ST6GALNAC4: variants seen among roughly 807,000 people sequenced by gnomAD.
The protein encoded by ST6GALNAC4 is alpha-N-acetyl-neuraminyl-2,3-beta-galactosyl-1,3-N-acetyl-galactosaminide alpha-2,6-sialyltransferase.
Under a neutral mutation model 30.4 loss-of-function variants are expected in ST6GALNAC4, and 24 were observed. The ratio of observed to expected loss-of-function variants is 0.79; its 90% confidence interval spans 0.57 to 1.11. The LOEUF is 1.11. Among genes scored for constraint, ST6GALNAC4 ranks in the 50% most tolerant of loss-of-function variants. The pLI is 0.00. For synonymous variants in ST6GALNAC4, 156 were observed against 179.7 expected, an observed-to-expected ratio of 0.87 and a Z score of 1.05; for missense variants, 365 against 430.1, an observed-to-expected ratio of 0.85 and a Z score of 1.34.
intron 4 of ST6GALNAC4, 165 bp from the exon 5 acceptor site, chr9:127,910,223 G>T: frequency 7.0e-7 from 1 of 1,419,696 alleles, no homozygotes; most frequent in Admixed American, 2.6e-5. Flanking sequence ...CCCAAGGCCA[G>T]CAGTGGGTGA....
intron 2 of ST6GALNAC4, 91 bp from the exon 3 acceptor site, chr9:127,914,932 A>AAGCTCCTGGGTCTAGAGC (rs1399689263): frequency 2.4e-6 from 3 of 1,236,780 alleles, no homozygotes. Flanking sequence ...GGGTCTAGAG[A>AAGCTCCTGGGTCTAGAGC]AGCTCCTGGG....
intron 4 of ST6GALNAC4, among the ~76,000 whole-genome samples, chr9:127,911,775 G>A (rs935945017): frequency 2.0e-5 from 3 of 152,124 alleles, no homozygotes; most frequent in Admixed American, 6.5e-5. Flanking sequence ...GTGAGCCACC[G>A]GGCCTAGCCC....
chr9:127,912,176 C>A (rs1411930830), intron 4 of ST6GALNAC4, 92 bp downstream of exon 4: 1 of 1,486,714 alleles, frequency 6.7e-7, no homozygotes, highest in Non-Finnish European at 9.0e-7. Context: ...ACCTCCCGGG[C>A]CTGACAGAGC....
In ST6GALNAC4 at chr9:127,914,650, A is replaced by G. The variant is rs751450482; in HGVS notation, c.198+6T>C. 1.9e-6 allele frequency: 3 copies of G among 1,604,064 alleles called. No individual in the cohort carries two copies. The highest frequency in any genetic ancestry group is 2.7e-5 in the African/African-American group (2 of 74,180). On this transcript the variant is annotated splice_donor_region_variant and intron_variant, in intron 3 of 5. Coordinates refer to ENST00000335791, the MANE Select transcript of ST6GALNAC4 (RefSeq NM_175039.4). ...CCACCCCGGATGCATTGCCTGGCCC[A>G]CTCACCTTCCCATCTGGCACACTGC... is the stretch of plus-strand genomic sequence containing the variant.
intron 5 of ST6GALNAC4, 129 bp from the exon 6 acceptor site, chr9:127,908,710 G>T (rs1188770156): frequency 5.2e-6 from 4 of 767,724 alleles, no homozygotes; most frequent in Non-Finnish European, 7.6e-6. Context: ...TCCCTGGGGA[G>T]GCCAAGACAC....
chr9:127,914,490 C>CAAA (rs60857050), intron 3 of ST6GALNAC4, among the ~76,000 whole-genome samples, 166 bp downstream of exon 3: 12,680 of 50,040 alleles, frequency 0.25, 4,527 homozygotes, highest in Non-Finnish European at 0.32. Context: ...GACTCCGTCT[C>CAAA]AAAAAAAAAA....
At chr9:127,916,340 A>G in intron 2 of ST6GALNAC4, 68 bp downstream of exon 2, 3 of 1,606,144 alleles carry the variant, frequency 1.9e-6, no homozygotes, top group Non-Finnish European at 2.6e-6. Context: ...TGGGGTGGAG[A>G]GGCTGCTGAG....
rs1334342942 is a variant in ST6GALNAC4, at chr9:127,908,398, A to C, written c.903T>G (p.Thr301=). ...ACTGGCAGGACGACGGAAGCTACTC[A>C]GTCCTCCAGGACGGATGGGCGAACA... ...PIVFAHPSWR[T]E The change falls in exon 6 of 6, where the codon ACT becomes ACG. Residue 301 remains threonine, a synonymous_variant. Coordinates refer to ENST00000335791, the MANE Select transcript of ST6GALNAC4 (RefSeq NM_175039.4). 1 of 1,548,118 alleles carries C rather than the reference A, an allele frequency of 6.5e-7. No individual in the cohort carries two copies. Among genetic ancestry groups the C allele is most frequent in the Non-Finnish European group, 8.8e-7 (1 of 1,137,282 alleles).
At position 127,914,818 on chromosome 9, in the gene ST6GALNAC4, C is replaced by T. The variant is rs1250516718; in HGVS notation, c.36G>A (p.Leu12=). Residue 12 remains leucine, a synonymous_variant, in exon 3 of 6, where the codon CTG becomes CTA. Coordinates refer to ENST00000335791, the MANE Select transcript of ST6GALNAC4 (RefSeq NM_175039.4). ...KAPGRLVLII[L]CSVVFSAVYI... is the part of the protein sequence containing the mutation. Reference sequence around the variant, plus strand: ...AGACGGCAGAGAAGACCACGGAGCACAGGATGATGAGCACGAGCCGACCCT... The same window carrying T: ...AGACGGCAGAGAAGACCACGGAGCATAGGATGATGAGCACGAGCCGACCCT... 2 of 1,546,396 alleles carry T rather than the reference C, an allele frequency of 1.3e-6. No individual in the cohort carries two copies. The highest frequency in any genetic ancestry group is 1.2e-5 in the South Asian group (1 of 83,534).
rs1830973809 is a variant in ST6GALNAC4 at position 127,908,189 on chromosome 9, TC to T, written c.*202del. 1.9e-5 allele frequency: 4 copies of T among 215,602 alleles called. No individual in the cohort carries two copies. Among genetic ancestry groups the T allele is most frequent in the East Asian group, 7.8e-5 (1 of 12,784 alleles). 13.4% of individuals were successfully genotyped at this position (215,602 alleles called of 1,614,324 possible). On this transcript the variant is annotated 3_prime_UTR_variant, in exon 6 of 6. Coordinates refer to ENST00000335791, the MANE Select transcript of ST6GALNAC4 (RefSeq NM_175039.4). Reference sequence around the variant, plus strand: ...AGGGAGTGGAGGGGGGAGACACGGCTCCCCCCTCCACTCCCCTTCAAGTCAT... The same window carrying T: ...AGGGAGTGGAGGGGGGAGACACGGCTCCCCCTCCACTCCCCTTCAAGTCAT...
intron 2 of ST6GALNAC4, 34 bp downstream of exon 2, chr9:127,916,374 G>A: frequency 6.2e-7 from 1 of 1,614,084 alleles, no homozygotes; most frequent in South Asian, 1.1e-5. Flanking sequence ...CGGGGCCTCT[G>A]CGTTCCCTGG....
At chr9:127,914,528 G>T in intron 3 of ST6GALNAC4, 128 bp downstream of exon 3, 1 of 311,152 alleles carries the variant, frequency 3.2e-6, no homozygotes. Flanking sequence ...AAGAACCTAG[G>T]GCTCAGAGAG....
At chr9:127,911,980 C>G (rs1211162281) in intron 4 of ST6GALNAC4, among the ~76,000 whole-genome samples, 1 of 152,228 alleles carries the variant, frequency 6.6e-6, no homozygotes, top group Non-Finnish European at 1.5e-5. Context: ...ACCATTCCCT[C>G]CAGAGAGAAG....
chr9:127,910,339 G>A, intron 4 of ST6GALNAC4: 1 of 1,203,408 alleles, frequency 8.3e-7, no homozygotes, highest in Non-Finnish European at 1.0e-6. Flanking sequence ...TGGATGATGG[G>A]TGTGGGGGCT....
At chr9:127,913,718 C>G (rs1564503696) in intron 3 of ST6GALNAC4, among the ~76,000 whole-genome samples, 1 of 152,178 alleles carries the variant, frequency 6.6e-6, no homozygotes, top group African/African-American at 2.4e-5. Flanking sequence ...CACTTGAGAT[C>G]AGGAGTTCAA....
chr9:127,916,167 C>T, intron 2 of ST6GALNAC4: 1 of 592,776 alleles, frequency 1.7e-6, no homozygotes, highest in South Asian at 2.0e-5. Context: ...GCCTGGTGAG[C>T]TCGTAGCGTT....
Position 127,909,815 on chromosome 9 carries a change from G to A in ST6GALNAC4, c.719+136C>T, listed in dbSNP as rs1037984510. ...CTTTCCCAAGGCCCAGAGCGCAAGGGGTATCTGTGCTATGGTCACCCACCA... is the reference window on the plus strand; with the variant it reads ...CTTTCCCAAGGCCCAGAGCGCAAGGAGTATCTGTGCTATGGTCACCCACCA... On this transcript the variant is annotated intron_variant, in intron 5 of 5. Transcript: ENST00000335791. The A allele has an allele frequency of 2.4e-5, 20 of 817,786 alleles. No individual in the cohort carries two copies. The East Asian group carries it at 4.2e-4, about 17-fold the overall frequency. 50.7% of individuals were successfully genotyped at this position (817,786 alleles called of 1,614,324 possible). A position where few individuals can be genotyped will look rare whatever the true frequency, so the allele number is the denominator to read the frequency against.
At position 127,914,860 on chromosome 9, in the gene ST6GALNAC4, A is replaced by G. The variant is rs771621315; in HGVS notation, c.13-19T>C. On this transcript the variant is annotated intron_variant, in intron 2 of 5. Coordinates refer to ENST00000335791, the MANE Select transcript of ST6GALNAC4 (RefSeq NM_175039.4). ...GCCGACCCTGAGGGAGACAGTGGCCATGGGGGGGTGTATGTGGGGAGGGGC... is the reference window on the plus strand; with the variant it reads ...GCCGACCCTGAGGGAGACAGTGGCCGTGGGGGGGTGTATGTGGGGAGGGGC... 2.7e-6 allele frequency: 4 copies of G among 1,455,862 alleles called. No individual in the cohort carries two copies. Among genetic ancestry groups the G allele is most frequent in the East Asian group, 2.6e-5 (1 of 38,270 alleles). 90.2% of individuals were successfully genotyped at this position (1,455,862 alleles called of 1,614,324 possible). A position where few individuals can be genotyped will look rare whatever the true frequency, so the allele number is the denominator to read the frequency against.
At chr9:127,911,268 G>A (rs551649487) in intron 4 of ST6GALNAC4, among the ~76,000 whole-genome samples, 64 of 152,280 alleles carry the variant, frequency 4.2e-4, no homozygotes, top group African/African-American at 1.5e-3. Flanking sequence ...GGCAGATGAT[G>A]ATACGAGAGG....
Sources: allele counts gnomAD v4.1 joint callset (sites outside exome capture counted in the v4.1 genomes callset), GRCh38; gene constraint gnomAD v4.1.1; transcripts MANE v1.5; gene names NCBI Gene and HGNC (gene_info 2026-07-23, HGNC 2026-07-21).